Variants in NKAIN3 observed in about 807,000 individuals in gnomAD.
NKAIN3 encodes sodium/potassium transporting ATPase interacting 3, also known as sodium/potassium-transporting ATPase subunit beta-1-interacting protein 3.
NKAIN3 carries 25 observed loss-of-function variants against 30.2 expected under a neutral mutation model. That is an observed-to-expected ratio of 0.83 (90% CI 0.60 to 1.16). NKAIN3 has a LOEUF of 1.16. Among genes scored for constraint, NKAIN3 ranks in the 50% most tolerant of loss-of-function variants. The probability of loss-of-function intolerance (pLI) is 0.00; values close to 1 mark genes in which losing one functional copy is unlikely to be tolerated. For missense variants in NKAIN3, 225 were observed against 254.1 expected, an observed-to-expected ratio of 0.89 and a Z score of 0.78; for synonymous variants, 91 against 89.6, an observed-to-expected ratio of 1.02 and a Z score of -0.09.
intron 3 of NKAIN3, among the ~76,000 whole-genome samples, chr8:62,725,632 T>C (rs1469035864): frequency 2.6e-5 from 4 of 152,274 alleles, no homozygotes; most frequent in Non-Finnish European, 5.9e-5. Context: ...TATATGTTCT[T>C]TGCACCTTTG....
At chr8:62,780,957 G>T (rs966556107) in intron 4 of NKAIN3, among the ~76,000 whole-genome samples, 8 of 151,956 alleles carry the variant, frequency 5.3e-5, no homozygotes, top group Non-Finnish European at 8.8e-5. Flanking sequence ...ACAAGAGAAA[G>T]AAAGAAAAGG....
At chr8:62,761,627 C>G (rs1442131571) in intron 4 of NKAIN3, among the ~76,000 whole-genome samples, 1 of 152,202 alleles carries the variant, frequency 6.6e-6, no homozygotes, top group Non-Finnish European at 1.5e-5. Context: ...CACAGAGCAT[C>G]TGAATGCAGT....
chr8:62,453,336 TG>T (rs1805710114), intron 1 of NKAIN3, among the ~76,000 whole-genome samples: 1 of 152,038 alleles, frequency 6.6e-6, no homozygotes, highest in Non-Finnish European at 1.5e-5. Context: ...GAAACTAACA[TG>T]AGAAAAAGAT....
At chr8:62,734,649 AACCAAG>A (rs1160868814) in intron 3 of NKAIN3, among the ~76,000 whole-genome samples, 2 of 152,234 alleles carry the variant, frequency 1.3e-5, no homozygotes, top group African/African-American at 4.8e-5. Flanking sequence ...AAATAAGAAA[AACCAAG>A]AGAGAATACA....
chr8:62,998,457 T>C (rs1400319797), intron 5 of NKAIN3, among the ~76,000 whole-genome samples: 1 of 152,154 alleles, frequency 6.6e-6, no homozygotes, highest in Non-Finnish European at 1.5e-5. Flanking sequence ...GTATTTTTAG[T>C]AGAGACGGGG....
Position 62,306,458 on chromosome 8 carries a change from C to T in NKAIN3, c.54+57331C>T, listed in dbSNP as rs895714717. ...AAAATCTTAATGAGATAGTTTTTCC[C>T]AGTGCGAGCCCTACCTGACTGACTG... On this transcript the variant is annotated intron_variant, in intron 1 of 6. Transcript: ENST00000623646. Among the ~76,000 whole-genome samples, 10 of 149,634 alleles carry T rather than the reference C, an allele frequency of 6.7e-5. 1 individual carries two copies. Among genetic ancestry groups the T allele is most frequent in the Non-Finnish European group, 1.2e-4 (8 of 67,926 alleles).
chr8:62,870,214 ATATATC>A (rs1486147283), intron 4 of NKAIN3, among the ~76,000 whole-genome samples: 6 of 67,390 alleles, frequency 8.9e-5, no homozygotes, highest in Non-Finnish European at 1.7e-4. Flanking sequence ...TTTTGTATAT[ATATATC>A]TATATCTATA....
intron 1 of NKAIN3, among the ~76,000 whole-genome samples, chr8:62,379,814 T>A (rs1817212830): frequency 6.6e-6 from 1 of 151,988 alleles, no homozygotes; most frequent in African/African-American, 2.4e-5. Flanking sequence ...GAGCCTTCAT[T>A]TTTTTTCAGG....
chr8:62,268,153 G>T (rs1391823455), intron 1 of NKAIN3, among the ~76,000 whole-genome samples: 4 of 152,150 alleles, frequency 2.6e-5, no homozygotes, highest in African/African-American at 9.7e-5. Context: ...TGTTTCTCAG[G>T]TTCCCTTGGT....
At chr8:62,662,635 A>G (rs1379858914) in intron 3 of NKAIN3, among the ~76,000 whole-genome samples, 1 of 152,216 alleles carries the variant, frequency 6.6e-6, no homozygotes. Flanking sequence ...TTTTAAAGTT[A>G]ATAAAAGCTT....
intron 4 of NKAIN3, among the ~76,000 whole-genome samples, chr8:62,906,953 A>C (rs1239477892): frequency 6.6e-6 from 1 of 152,202 alleles, no homozygotes; most frequent in Admixed American, 6.5e-5. Flanking sequence ...TAACAGGCAG[A>C]GAGTGGAACA....
chr8:62,262,369 T>C (rs1023802561), intron 1 of NKAIN3, among the ~76,000 whole-genome samples: 4 of 152,232 alleles, frequency 2.6e-5, no homozygotes, highest in Non-Finnish European at 5.9e-5. Context: ...CTTCAGCCGA[T>C]GAACCACTTC....
intron 1 of NKAIN3, among the ~76,000 whole-genome samples, chr8:62,377,074 T>A (rs1817107032): frequency 6.6e-6 from 1 of 152,190 alleles, no homozygotes; most frequent in African/African-American, 2.4e-5. Flanking sequence ...TAAGTTTTGA[T>A]GAGAAGGTTA....
At chr8:62,705,466 G>A (rs1814488799) in intron 3 of NKAIN3, among the ~76,000 whole-genome samples, 1 of 152,128 alleles carries the variant, frequency 6.6e-6, no homozygotes, top group Admixed American at 6.5e-5. Context: ...ATCTCATGCT[G>A]GACATTTAGC....
intron 1 of NKAIN3, among the ~76,000 whole-genome samples, chr8:62,401,813 C>T (rs1256933787): frequency 2.0e-5 from 3 of 152,206 alleles, no homozygotes; most frequent in Non-Finnish European, 4.4e-5. Flanking sequence ...AACTGAGCTT[C>T]TAGGGCTGGG....
intron 4 of NKAIN3, among the ~76,000 whole-genome samples, chr8:62,849,910 A>C (rs1324908516): frequency 2.0e-5 from 3 of 152,068 alleles, no homozygotes; most frequent in Non-Finnish European, 4.4e-5. Flanking sequence ...TGCTGCAGTA[A>C]ACATATGTGT....
chr8:62,658,245 C>G (rs935343212), intron 3 of NKAIN3, among the ~76,000 whole-genome samples: 3 of 152,146 alleles, frequency 2.0e-5, no homozygotes, highest in African/African-American at 7.2e-5. Flanking sequence ...TCTCCCCGGG[C>G]ATTAAGGATC....
At position 62,971,674 on chromosome 8, in the gene NKAIN3, A is replaced by T. The variant is rs1823838485; in HGVS notation, c.*6267A>T. Among the ~76,000 whole-genome samples, 1 of 152,134 alleles carries T rather than the reference A, an allele frequency of 6.6e-6. No individual in the cohort carries two copies. The highest frequency in any genetic ancestry group is 2.4e-5 in the African/African-American group (1 of 41,432). ...GGGCTTCATTTATTAGTAAGAAGGA[A>T]AAATATTTATAAAATCATACTTAGC... On this transcript the variant is annotated 3_prime_UTR_variant, in exon 7 of 7. Transcript: ENST00000623646.
intron 1 of NKAIN3, among the ~76,000 whole-genome samples, chr8:62,431,784 GA>G (rs749284936): frequency 2.0e-5 from 3 of 147,350 alleles, no homozygotes; most frequent in Non-Finnish European, 4.5e-5. Context: ...GTAGTAACAA[GA>G]ACTGTAAAAG....
Sources: allele counts gnomAD v4.1 joint callset (sites outside exome capture counted in the v4.1 genomes callset), GRCh38; gene constraint gnomAD v4.1.1; transcripts MANE v1.5; gene names NCBI Gene and HGNC (gene_info 2026-07-23, HGNC 2026-07-21).